The following CNGA3 variants were observed in gnomAD, a reference collection of about 807,000 sequenced individuals.
The protein encoded by CNGA3 is cyclic nucleotide gated channel subunit alpha 3.
In CNGA3, 42 loss-of-function variants were observed where a neutral mutation model predicts 46.6. The ratio of observed to expected loss-of-function variants is 0.90; its 90% CI spans 0.70 to 1.17. The LOEUF (loss-of-function observed/expected upper bound fraction) is 1.17, where lower values mean the gene tolerates loss of function less well. Among genes scored for constraint, CNGA3 ranks in the 50% most tolerant of loss-of-function variants. The probability of loss-of-function intolerance (pLI) is 0.00; values close to 1 mark genes in which losing one functional copy is unlikely to be tolerated. For missense variants in CNGA3, 893 were observed against 890.7 expected, an observed-to-expected ratio of 1.00 and a Z score of -0.03; for synonymous variants, 394 against 369.4, an observed-to-expected ratio of 1.07 and a Z score of -0.76.
At chr2:98,370,907 C>G (rs1177564461) in intron 2 of CNGA3, among the ~76,000 whole-genome samples, 1 of 152,220 alleles carries the variant, frequency 6.6e-6, no homozygotes, top group Non-Finnish European at 1.5e-5. Flanking sequence ...TTAGTGCAAT[C>G]TCGGCTCACT....
chr2:98,377,427 G>A (rs769738269), intron 2 of CNGA3: 2 of 465,562 alleles, frequency 4.3e-6, no homozygotes, highest in African/African-American at 2.0e-5. Flanking sequence ...GGCCAGGCCA[G>A]CATGTACTGC....
At chr2:98,349,978 T>TC in intron 1 of CNGA3, among the ~76,000 whole-genome samples, 1 of 152,294 alleles carries the variant, frequency 6.6e-6, no homozygotes, top group South Asian at 2.1e-4. Flanking sequence ...GTGATGCCAT[T>TC]CAGAATAGTT....
chr2:98,389,539 C>CAG (rs1392572962), intron 5 of CNGA3, 119 bp from the exon 6 acceptor site: 1 of 865,312 alleles, frequency 1.2e-6, no homozygotes, highest in East Asian at 2.4e-5. Context: ...ACTAAGAGGA[C>CAG]CCTGTTGTGG....
chr2:98,394,813 C>T (rs935735681), intron 7 of CNGA3, among the ~76,000 whole-genome samples: 4 of 152,218 alleles, frequency 2.6e-5, no homozygotes, highest in Non-Finnish European at 4.4e-5. Flanking sequence ...AAGCTGCCTT[C>T]CTTTTCTGCC....
In CNGA3 at chr2:98,390,649, G is replaced by A. The variant is rs369743318; in HGVS notation, c.566+875G>A. ...AAGGATGCAGGACAAGCTGCTGCTTGTGGGGGCTGGCGGGGACTTTGGGGC... is the reference window on the plus strand; with the variant it reads ...AAGGATGCAGGACAAGCTGCTGCTTATGGGGGCTGGCGGGGACTTTGGGGC... On this transcript the variant is annotated intron_variant, in intron 6 of 7. Transcript: ENST00000272602. 4.4e-4 allele frequency among the ~76,000 whole-genome samples: 67 copies of A among 152,264 alleles called. 1 individual carries two copies. The highest frequency in any genetic ancestry group is 1.6e-3 in the African/African-American group (66 of 41,558).
intron 1 of CNGA3, among the ~76,000 whole-genome samples, chr2:98,351,768 T>C (rs559359826): frequency 1.1e-4 from 17 of 152,328 alleles, no homozygotes; most frequent in African/African-American, 3.6e-4. Flanking sequence ...CTCCCCTTTA[T>C]TATGTTTCAT....
chr2:98,383,976 TC>T (rs1692594391), intron 5 of CNGA3, among the ~76,000 whole-genome samples: 3 of 152,134 alleles, frequency 2.0e-5, no homozygotes, highest in Admixed American at 2.0e-4. Flanking sequence ...AAGCTCCGCC[TC>T]CCGGGTTCAC....
At chr2:98,388,133 G>GC in intron 5 of CNGA3, among the ~76,000 whole-genome samples, 1 of 152,084 alleles carries the variant, frequency 6.6e-6, no homozygotes. Flanking sequence ...AGCACCCCTT[G>GC]CCACGCCCTC....
In CNGA3 at chr2:98,396,267, T is replaced by C. The variant is rs773410146; in HGVS notation, c.1097T>C (p.Ile366Thr). ...LYWSTLTLTT[I>T]GETPPPVKDE... ...TGGTCCACCTTGACCCTTACCACCA[T>C]TGGTGAGACCCCACCCCCCGTGAAA... Residue 366 changes from isoleucine (I) to threonine (T), a missense_variant, in exon 8 of 8, where the codon ATT (isoleucine) becomes ACT (threonine). Physicochemically the swap from Ile to Thr is moderately conservative, Grantham distance 89 (BLOSUM62 -1). Around this residue, in one of 3 missense-constraint regions of CNGA3, gnomAD observed 548 missense variants for 570.8 expected, o/e 0.96. Transcript: ENST00000272602. 3 of 1,612,402 alleles carry C rather than the reference T, an allele frequency of 1.9e-6. No homozygotes were observed. The highest frequency in any genetic ancestry group is 1.1e-5 in the South Asian group (1 of 91,028).
intron 1 of CNGA3, among the ~76,000 whole-genome samples, chr2:98,358,557 T>A (rs1691945015): frequency 6.6e-6 from 1 of 152,222 alleles, no homozygotes; most frequent in Non-Finnish European, 1.5e-5. Context: ...AAGTTGGAAT[T>A]AGCAAAAATT....
Position 98,397,127 on chromosome 2 carries a change from G to A in CNGA3, c.1957G>A (p.Ala653Thr), listed in dbSNP as rs982245764. 8.1e-6 allele frequency: 13 copies of A among 1,613,982 alleles called. No individual in the cohort carries two copies. Among genetic ancestry groups the A allele is most frequent in the African/African-American group, 8.0e-5 (6 of 74,912 alleles). ...RFARLLAEYN[A>T]TQMKMKQRLS... ...TGCACGCCTCCTGGCTGAGTACAACGCCACCCAGATGAAGATGAAGCAGCG... is the reference window on the plus strand; with the variant it reads ...TGCACGCCTCCTGGCTGAGTACAACACCACCCAGATGAAGATGAAGCAGCG... The change falls in exon 8 of 8, where the codon GCC becomes ACC. Residue 653 changes from alanine (A) to threonine (T), a missense_variant. By Grantham distance (58) the Ala-to-Thr change is moderately conservative (BLOSUM62 0). Transcript: ENST00000272602.
intron 1 of CNGA3, among the ~76,000 whole-genome samples, chr2:98,360,985 T>C (rs1692018301): frequency 6.6e-6 from 1 of 151,894 alleles, no homozygotes; most frequent in Non-Finnish European, 1.5e-5. Context: ...TGAATATGTG[T>C]GTTATTTTTA....
intron 7 of CNGA3, 53 bp downstream of exon 7, chr2:98,392,023 C>CG (rs1692802555): frequency 6.6e-7 from 1 of 1,510,106 alleles, no homozygotes; most frequent in Admixed American, 1.7e-5. Flanking sequence ...GGGAGTGTTC[C>CG]GGGAGACCCA....
chr2:98,379,347 A>G (rs1692486626), intron 3 of CNGA3, among the ~76,000 whole-genome samples: 1 of 152,254 alleles, frequency 6.6e-6, no homozygotes, highest in Admixed American at 6.5e-5. Flanking sequence ...AGGGGAGGGC[A>G]CTGCAGATGC....
At chr2:98,367,875 C>T (rs1032333799) in intron 1 of CNGA3, among the ~76,000 whole-genome samples, 33 of 152,202 alleles carry the variant, frequency 2.2e-4, no homozygotes, top group African/African-American at 7.7e-4. Flanking sequence ...TACATCCTCC[C>T]TGGTCTAGCC....
chr2:98,372,941 T>C (rs927823978), intron 2 of CNGA3, among the ~76,000 whole-genome samples: 2 of 152,192 alleles, frequency 1.3e-5, no homozygotes, highest in African/African-American at 2.4e-5. Context: ...AATTGACAGA[T>C]TAATACAGTA....
At chr2:98,357,531 C>G (rs182047373) in intron 1 of CNGA3, among the ~76,000 whole-genome samples, 3 of 152,178 alleles carry the variant, frequency 2.0e-5, no homozygotes, top group Admixed American at 6.5e-5. Flanking sequence ...CTGTTTAACA[C>G]GCCTGTTTTC....
At chr2:98,378,318 C>A in intron 3 of CNGA3, 2 of 1,208,776 alleles carry the variant, frequency 1.7e-6, no homozygotes, top group Non-Finnish European at 2.3e-6. Flanking sequence ...TCAACAGCTG[C>A]TCCATCCTGA....
rs201003097 is a variant in CNGA3, at chr2:98,365,371, T to C, written c.-37-4568T>C. Among the ~76,000 whole-genome samples the C allele has an allele frequency of 2.0e-4, 30 of 152,324 alleles. No individual in the cohort carries two copies. In the East Asian group the frequency reaches 5.2e-3, roughly 26 times the overall value. ...TTCATTTCAACCTTGGAGAATCTGATGATTATGTGTCTTGAGGTTGATCTT... is the reference window on the plus strand; with the variant it reads ...TTCATTTCAACCTTGGAGAATCTGACGATTATGTGTCTTGAGGTTGATCTT... On this transcript the variant is annotated intron_variant, in intron 1 of 7. Coordinates refer to ENST00000272602, the MANE Select transcript of CNGA3 (RefSeq NM_001298.3).
Sources: gnomAD v4.1 joint callset for allele counts (sites outside exome capture counted in the v4.1 genomes callset) on GRCh38, gnomAD v4.1.1 for gene constraint, gnomAD v4.1.1 regional missense constraint, MANE v1.5 for transcripts, NCBI Gene and HGNC (gene_info 2026-07-23, HGNC 2026-07-21) for gene names.